The following MAGI2 variants were observed in gnomAD, a reference collection of about 807,000 sequenced individuals.
The protein encoded by MAGI2 is membrane associated guanylate kinase, WW and PDZ domain containing 2.
A neutral mutation model predicts 133.3 loss-of-function variants in MAGI2; 35 were observed. The observed-to-expected ratio is 0.26, with a 90% CI of 0.20 to 0.35. The LOEUF is 0.35. MAGI2 is among the 10% of genes least tolerant of loss of function. The probability of loss-of-function intolerance (pLI) is 1.00; values close to 1 mark genes in which losing one functional copy is unlikely to be tolerated. For missense variants in MAGI2, 1,636 were observed against 1,863.4 expected, an observed-to-expected ratio of 0.88 and a Z score of 2.25; for synonymous variants, 729 against 710.6, an observed-to-expected ratio of 1.03 and a Z score of -0.41.
At chr7:78,224,023 T>C (rs1212438914) in intron 10 of MAGI2, among the ~76,000 whole-genome samples, 1 of 152,146 alleles carries the variant, frequency 6.6e-6, no homozygotes, top group Non-Finnish European at 1.5e-5. Context: ...ACCAAAATCA[T>C]GTAAAGCCTT....
intron 21 of MAGI2, among the ~76,000 whole-genome samples, chr7:78,042,669 C>G (rs146361285): frequency 5.4e-4 from 83 of 152,330 alleles, no homozygotes; most frequent in African/African-American, 1.9e-3. Context: ...GGCTCAATAA[C>G]TTAGTGTGCC....
At chr7:78,711,130 ATG>A (rs1400487396) in intron 2 of MAGI2, among the ~76,000 whole-genome samples, 1 of 152,164 alleles carries the variant, frequency 6.6e-6, no homozygotes, top group Non-Finnish European at 1.5e-5. Flanking sequence ...CACAGGATAT[ATG>A]TGTGTTAAAC....
intron 20 of MAGI2, among the ~76,000 whole-genome samples, chr7:78,121,145 A>G (rs1820433685): frequency 6.6e-6 from 1 of 151,904 alleles, no homozygotes; most frequent in African/African-American, 2.4e-5. Flanking sequence ...AAACTATACA[A>G]CTTTTAGAAG....
chr7:79,119,982 G>A (rs1162463235), intron 1 of MAGI2, among the ~76,000 whole-genome samples: 2 of 152,016 alleles, frequency 1.3e-5, no homozygotes, highest in African/African-American at 2.4e-5. Flanking sequence ...AAATTCAAAT[G>A]AGTTCAAATT....
At chr7:78,553,094 T>TAAAAAAAAAAAAAAAAAAAAAAAA (rs754149011) in intron 3 of MAGI2, among the ~76,000 whole-genome samples, 1 of 133,180 alleles carries the variant, frequency 7.5e-6, no homozygotes, top group Non-Finnish European at 1.6e-5. Flanking sequence ...AACTTTAAAT[T>TAAAAAAAAAAAAAAAAAAAAAAAA]AAAAAAAAAA....
At chr7:79,138,162 G>A (rs1821768792) in intron 1 of MAGI2, among the ~76,000 whole-genome samples, 1 of 152,144 alleles carries the variant, frequency 6.6e-6, no homozygotes, top group Non-Finnish European at 1.5e-5. Context: ...CTGACCTCCA[G>A]AACTGTAAGA....
intron 2 of MAGI2, among the ~76,000 whole-genome samples, chr7:78,822,639 AG>A (rs1790226714): frequency 6.6e-6 from 1 of 152,190 alleles, no homozygotes; most frequent in Admixed American, 6.5e-5. Flanking sequence ...TCTTTCCAGT[AG>A]AAAAATACAA....
At chr7:79,150,994 TTTG>T (rs1823171092) in intron 1 of MAGI2, among the ~76,000 whole-genome samples, 1 of 150,888 alleles carries the variant, frequency 6.6e-6, no homozygotes, top group Non-Finnish European at 1.5e-5. Flanking sequence ...TTTTTGTTTG[TTTG>T]TTTTGTTTTG....
intron 2 of MAGI2, among the ~76,000 whole-genome samples, chr7:78,635,623 C>T (rs558389970): frequency 6.6e-6 from 1 of 152,276 alleles, no homozygotes; most frequent in Admixed American, 6.5e-5. Flanking sequence ...TTCATATATT[C>T]CCCCTTTCTT....
chr7:79,198,659 G>A (rs1465040083), intron 1 of MAGI2, among the ~76,000 whole-genome samples: 1 of 152,064 alleles, frequency 6.6e-6, no homozygotes, highest in Non-Finnish European at 1.5e-5. Context: ...GGAGGCCGAA[G>A]AGGGAGGATC....
chr7:78,084,877 A>C (rs1300307584), intron 20 of MAGI2, among the ~76,000 whole-genome samples: 1 of 152,204 alleles, frequency 6.6e-6, no homozygotes, highest in Non-Finnish European at 1.5e-5. Context: ...TTCATGATTA[A>C]CTTTGTTCAA....
intron 2 of MAGI2, among the ~76,000 whole-genome samples, chr7:78,945,768 T>G (rs1176581620): frequency 6.6e-6 from 1 of 152,180 alleles, no homozygotes; most frequent in Non-Finnish European, 1.5e-5. Context: ...TCTACATCTT[T>G]GCACATACTG....
chr7:79,234,468 A>G (rs1182103213), intron 1 of MAGI2, among the ~76,000 whole-genome samples: 1 of 151,808 alleles, frequency 6.6e-6, no homozygotes, highest in Non-Finnish European at 1.5e-5. Context: ...ACATAGTCCC[A>G]TATTTCTTGG....
At chr7:78,291,067 G>A (rs984179575) in intron 9 of MAGI2, among the ~76,000 whole-genome samples, 2 of 152,070 alleles carry the variant, frequency 1.3e-5, no homozygotes, top group African/African-American at 2.4e-5. Context: ...GTTAGCAGAA[G>A]GTAAGAAATA....
chr7:78,374,953 C>T (rs1449464668), intron 6 of MAGI2, among the ~76,000 whole-genome samples: 1 of 151,932 alleles, frequency 6.6e-6, no homozygotes, highest in Non-Finnish European at 1.5e-5. Flanking sequence ...AATTCTTGTT[C>T]CTCAGCCTCC....
At chr7:78,171,904 T>TG (rs1358591817) in intron 14 of MAGI2, among the ~76,000 whole-genome samples, 5 of 118,336 alleles carry the variant, frequency 4.2e-5, no homozygotes, top group African/African-American at 9.8e-5. Context: ...TTTGTTTGTT[T>TG]TTTTTTCCCT....
At chr7:78,777,039 G>A (rs1826041061) in intron 2 of MAGI2, among the ~76,000 whole-genome samples, 1 of 152,010 alleles carries the variant, frequency 6.6e-6, no homozygotes, top group Non-Finnish European at 1.5e-5. Flanking sequence ...TGACTGTTTA[G>A]GTCAAATTAA....
intron 2 of MAGI2, among the ~76,000 whole-genome samples, chr7:78,652,920 A>G (rs1811731085): frequency 6.6e-6 from 1 of 152,070 alleles, no homozygotes; most frequent in Non-Finnish European, 1.5e-5. Context: ...TCTACAAAGA[A>G]CTTAAACAAA....
At chr7:78,853,329 G>GTTGTTT (rs1563581211) in intron 2 of MAGI2, among the ~76,000 whole-genome samples, 1 of 47,210 alleles carries the variant, frequency 2.1e-5, no homozygotes, top group Non-Finnish European at 4.0e-5. Context: ...TTGTCCATTC[G>GTTGTTT]TTCTTTTTTT....
Sources: allele counts gnomAD v4.1 joint callset (sites outside exome capture counted in the v4.1 genomes callset), GRCh38; gene constraint gnomAD v4.1.1; transcripts MANE v1.5; gene names NCBI Gene and HGNC (gene_info 2026-07-23, HGNC 2026-07-21).